SPDYE3: variants seen among roughly 807,000 people sequenced by gnomAD.
SPDYE3 encodes the protein speedy protein E3.
A neutral mutation model predicts 55.0 loss-of-function variants in SPDYE3; 15 were observed. The ratio of observed to expected loss-of-function variants is 0.27; its 90% CI spans 0.18 to 0.42. SPDYE3 has a LOEUF of 0.42. Among genes scored for constraint, SPDYE3 ranks in the 10% least tolerant of loss-of-function variants. The pLI, the probability that SPDYE3 is intolerant of heterozygous loss-of-function variation, is 1.00. For missense variants in SPDYE3, 236 were observed against 576.7 expected (o/e 0.41, Z 6.05); for synonymous variants, 89 against 229.9 (o/e 0.39, Z 5.55).
At chr7:100,318,943 G>A (rs1461061919) in intron 8 of SPDYE3, among the ~76,000 whole-genome samples, 1 of 149,656 alleles carries the variant, frequency 6.7e-6, no homozygotes, top group Non-Finnish European at 1.5e-5. Context: ...CAAGAGTGTT[G>A]CTGTGTCTCT....
chr7:100,308,613 G>A (rs1170264602), intron 1 of SPDYE3, among the ~76,000 whole-genome samples: 1 of 151,828 alleles, frequency 6.6e-6, no homozygotes, highest in East Asian at 1.9e-4. Context: ...AGAGGCTGAG[G>A]CAGGAGAATA....
At position 100,319,686 on chromosome 7, in the gene SPDYE3, C is replaced by A. The variant is rs755684175; in HGVS notation, c.1468C>A (p.Arg490Ser). The A allele has an allele frequency of 6.2e-7, 1 of 1,614,192 alleles. No individual in the cohort carries two copies. The highest frequency in any genetic ancestry group is 2.2e-5 in the East Asian group (1 of 44,884). ...LRPKHWFQLC[R>S]PMNPRARKNC... is the part of the protein sequence containing the mutation. ...CCCTAAGCATTGGTTCCAGTTATGCCGTCCCATGAACCCGAGGGCCAGGAA... is the reference window on the plus strand; with the variant it reads ...CCCTAAGCATTGGTTCCAGTTATGCAGTCCCATGAACCCGAGGGCCAGGAA... The change falls in exon 9 of 11, where the codon CGT becomes AGT. Residue 490 changes from arginine to serine, a missense_variant. By Grantham distance (110) the Arg-to-Ser change is moderately radical. Coordinates refer to ENST00000332397, the MANE Select transcript of SPDYE3 (RefSeq NM_001004351.5).
intron 4 of SPDYE3, among the ~76,000 whole-genome samples, chr7:100,312,844 C>T (rs1431361003): frequency 6.9e-6 from 1 of 144,432 alleles, no homozygotes; most frequent in Non-Finnish European, 1.5e-5. Context: ...CCACTACACT[C>T]CAGCCTGGGT....
rs1276040128 is a variant in SPDYE3 at position 100,314,548 on chromosome 7, C to T, written c.999C>T (p.Pro333=). 35 of 1,388,770 alleles carry T rather than the reference C, an allele frequency of 2.5e-5. 11 individuals are homozygous for T. The highest frequency in any genetic ancestry group is 3.3e-5 in the Non-Finnish European group (34 of 1,017,046). 86.0% of individuals were successfully genotyped at this position (1,388,770 alleles called of 1,614,324 possible). The change falls in exon 6 of 11, where the codon CCC becomes CCT. Residue 333 remains proline, a synonymous_variant. Coordinates refer to ENST00000332397, the MANE Select transcript of SPDYE3 (RefSeq NM_001004351.5). ...FNRLLAPGVD[P]SPPRRSLGCK... The stretch of plus-strand genomic sequence containing the variant: ...TTTACTCAGCCCCTGGGGTAGATCC[C>T]AGCCCCCCGCGTAGGTCCCTTGGCT...
rs1244942413 is a variant in SPDYE3 at position 100,308,122 on chromosome 7, C to G, written c.106+131C>G. 29 of 1,214,464 alleles carry G rather than the reference C, an allele frequency of 2.4e-5. No individual in the cohort carries two copies. The Admixed American group carries it at 5.8e-4, about 24-fold the overall frequency. The allele number at this position is 1,214,464 out of a possible 1,614,324, so 75.2% of individuals were successfully genotyped here. ...AGGCGGGCAGATCACCTGAGGTCAG[C>G]AGTTCAAGACCAGCCTGGCCAACAT... On this transcript the variant is annotated intron_variant, in intron 1 of 10. Coordinates refer to ENST00000332397, the MANE Select transcript of SPDYE3 (RefSeq NM_001004351.5).
At chr7:100,319,474 C>T (rs943110154) in intron 8 of SPDYE3, 91 bp from the exon 9 acceptor site, 80 of 1,594,886 alleles carry the variant, frequency 5.0e-5, no homozygotes, top group Admixed American at 5.1e-5. Context: ...GAGCTAGGGA[C>T]GGTCCCTTAC....
intron 7 of SPDYE3, 106 bp downstream of exon 7, chr7:100,315,949 C>T (rs1239927326): frequency 1.3e-6 from 2 of 1,542,122 alleles, no homozygotes; most frequent in Non-Finnish European, 8.8e-7. Flanking sequence ...CCACCAGATG[C>T]TCCTACAGTT....
At position 100,318,887 on chromosome 7, in the gene SPDYE3, G is replaced by GTTTAT. The variant is rs1554445172; in HGVS notation, c.1347-676_1347-675insTATTT. 7.0e-3 allele frequency among the ~76,000 whole-genome samples: 983 copies of GTTTAT among 140,670 alleles called. 6 individuals are homozygous for GTTTAT. Among genetic ancestry groups the GTTTAT allele is most frequent in the East Asian group, 0.011 (53 of 4,692 alleles). 92.3% of individuals were successfully genotyped at this position (140,670 alleles called of 152,430 possible). A position where few individuals can be genotyped will look rare whatever the true frequency, so the allele number is the denominator to read the frequency against. On this transcript the variant is annotated intron_variant, in intron 8 of 10. Coordinates refer to ENST00000332397, the MANE Select transcript of SPDYE3 (RefSeq NM_001004351.5). Reference sequence around the variant, plus strand: ...AGGGCTGTGCCACCACACCTGGACAGTTATTTATTTATTTATTTATTTATT... The same window carrying GTTTAT: ...AGGGCTGTGCCACCACACCTGGACAGTTTATTTATTTATTTATTTATTTATTTATT...
At chr7:100,320,083 C>A (rs548326778) in intron 10 of SPDYE3, 48 bp downstream of exon 10, 3 of 1,579,280 alleles carry the variant, frequency 1.9e-6, no homozygotes, top group African/African-American at 1.4e-5. Flanking sequence ...GGGTCTATTT[C>A]GGAAATCCAA....
intron 8 of SPDYE3, among the ~76,000 whole-genome samples, chr7:100,317,618 CAAAA>C (rs74212832): frequency 9.6e-6 from 1 of 104,706 alleles, no homozygotes; most frequent in Non-Finnish European, 2.0e-5. Context: ...ACAAAAGAGC[CAAAA>C]AAAAAAAAAC....
chr7:100,308,686 G>GT (rs1251280120), intron 1 of SPDYE3, among the ~76,000 whole-genome samples: 3 of 151,616 alleles, frequency 2.0e-5, no homozygotes, highest in Non-Finnish European at 2.9e-5. Flanking sequence ...TCCAGCCTGG[G>GT]TGACAAAGCA....
chr7:100,315,182 G>C (rs903257377), intron 6 of SPDYE3, among the ~76,000 whole-genome samples: 9 of 152,108 alleles, frequency 5.9e-5, no homozygotes, highest in African/African-American at 2.2e-4. Context: ...GGGAGGCTGA[G>C]ACAGGAGAAT....
intron 4 of SPDYE3, among the ~76,000 whole-genome samples, chr7:100,312,891 A>G (rs1000972591): frequency 1.3e-5 from 2 of 149,832 alleles, no homozygotes; most frequent in Non-Finnish European, 3.0e-5. Context: ...AAAAAAAAAA[A>G]AGAGGGCCTC....
rs752539303 is a variant in SPDYE3, at chr7:100,319,955, T to C, written c.1615T>C (p.Trp539Arg). The change falls in exon 10 of 11, where the codon TGG becomes CGG. Residue 539 changes from tryptophan (W) to arginine (R), a missense_variant. Transcript: ENST00000332397. ...GATCCAGGCTTATGACCCAGAGCACTGGGTGTGGGCGCGAGATCGCGCCCA... is the reference window on the plus strand; with the variant it reads ...GATCCAGGCTTATGACCCAGAGCACCGGGTGTGGGCGCGAGATCGCGCCCA... ...EEIQAYDPEH[W>R]VWARDRAHLS 1.1e-5 allele frequency: 18 copies of C among 1,592,860 alleles called. No individual in the cohort carries two copies. Among genetic ancestry groups the C allele is most frequent in the Non-Finnish European group, 1.2e-5 (14 of 1,169,460 alleles).
intron 6 of SPDYE3, among the ~76,000 whole-genome samples, chr7:100,315,542 C>G (rs977633305): frequency 3.3e-5 from 5 of 152,092 alleles, no homozygotes; most frequent in Non-Finnish European, 7.4e-5. Context: ...CCGGCTGATT[C>G]CCAGCTCTAC....
intron 10 of SPDYE3, chr7:100,320,321 A>G: frequency 1.8e-6 from 2 of 1,089,530 alleles, no homozygotes; most frequent in South Asian, 3.3e-5. Flanking sequence ...CTGCCTCAAA[A>G]ATAATCATAA....
At chr7:100,318,078 G>A (rs1170632109) in intron 8 of SPDYE3, among the ~76,000 whole-genome samples, 1 of 151,666 alleles carries the variant, frequency 6.6e-6, no homozygotes, top group African/African-American at 2.4e-5. Context: ...ACTTCCCCCA[G>A]CAAGCAGACG....
At position 100,317,052 on chromosome 7, in the gene SPDYE3, T is replaced by A. The variant is rs779170720; in HGVS notation, c.1261-18T>A. On this transcript the variant is annotated intron_variant, in intron 7 of 10. Coordinates refer to ENST00000332397, the MANE Select transcript of SPDYE3 (RefSeq NM_001004351.5). ...AAGATGTGACCTCTCCCTCTCTGTG[T>A]TCCTTTCTCTCCATCAGTATCTCCT... 3 of 1,573,232 alleles carry A rather than the reference T, an allele frequency of 1.9e-6. No homozygotes were observed. The East Asian group carries it at 6.7e-5, about 35-fold the overall frequency.
At chr7:100,311,417 T>C (rs1330749251) in intron 3 of SPDYE3, among the ~76,000 whole-genome samples, 2 of 126,746 alleles carry the variant, frequency 1.6e-5, no homozygotes, top group African/African-American at 3.3e-5. Flanking sequence ...ATCCGGGAGA[T>C]AGATGTTGCA....
Sources: gnomAD v4.1 joint callset for allele counts (sites outside exome capture counted in the v4.1 genomes callset) on GRCh38, gnomAD v4.1.1 for gene constraint, MANE v1.5 for transcripts, NCBI Gene and HGNC (gene_info 2026-07-23, HGNC 2026-07-21) for gene names.